Variants in ARID5B observed in about 807,000 individuals in gnomAD.
ARID5B encodes AT-rich interaction domain 5B.
ARID5B carries 13 observed loss-of-function variants against 97.2 expected under a neutral mutation model. The observed-to-expected ratio is 0.13, with a 90% CI of 0.09 to 0.21. The LOEUF is 0.21. Among genes scored for constraint, ARID5B ranks in the 10% least tolerant of loss-of-function variants. The pLI, the probability that ARID5B is intolerant of heterozygous loss-of-function variation, is 1.00. For synonymous variants in ARID5B, 556 were observed against 570.3 expected (o/e 0.97, Z 0.36); for missense variants, 1,210 against 1,465.3 (o/e 0.83, Z 2.84).
In ARID5B at chr10:62,092,922, A is replaced by C; in HGVS notation, c.3459A>C (p.Ser1153=). 7.4e-6 allele frequency: 12 copies of C among 1,614,202 alleles called. No individual in the cohort carries two copies. Among genetic ancestry groups the C allele is most frequent in the South Asian group, 1.1e-5 (1 of 91,076 alleles). Residue 1153 remains serine (S), a synonymous_variant, in exon 10 of 10, where the codon TCA becomes TCC. Coordinates refer to ENST00000279873, the MANE Select transcript of ARID5B (RefSeq NM_032199.3). The part of the protein sequence containing the change: ...HLAAATPVGS[S]YGDLLHNSIY... ...CTGCGGCTACACCTGTAGGAAGTTCATATGGGGACCTTTTGCATAACAGCA... is the reference window on the plus strand; with the variant it reads ...CTGCGGCTACACCTGTAGGAAGTTCCTATGGGGACCTTTTGCATAACAGCA...
rs1443547866 is a variant in ARID5B, at chr10:62,090,848, A to T, written c.1399-14A>T. 3 of 1,545,236 alleles carry T rather than the reference A, an allele frequency of 1.9e-6. No individual in the cohort carries two copies. Among genetic ancestry groups the T allele is most frequent in the Non-Finnish European group, 2.6e-6 (3 of 1,152,374 alleles). On this transcript the variant is annotated splice_polypyrimidine_tract_variant and intron_variant, in intron 9 of 9. Transcript: ENST00000279873. ...TTGGTTTTCTTCTGACTGTCTTTTGAAATATGTTACCAGGTTTCATCAGAG... is the reference window on the plus strand; with the variant it reads ...TTGGTTTTCTTCTGACTGTCTTTTGTAATATGTTACCAGGTTTCATCAGAG...
chr10:61,969,363 C>T (rs577782728), intron 3 of ARID5B, among the ~76,000 whole-genome samples: 2 of 152,168 alleles, frequency 1.3e-5, no homozygotes, highest in South Asian at 2.1e-4. Flanking sequence ...GGATAGTAGC[C>T]TTCTGCATAT....
At chr10:62,045,281 A>G (rs1159876084) in intron 4 of ARID5B, among the ~76,000 whole-genome samples, 1 of 152,192 alleles carries the variant, frequency 6.6e-6, no homozygotes, top group Non-Finnish European at 1.5e-5. Context: ...TCATACGTTA[A>G]TAACTTTAAA....
Position 62,092,424 on chromosome 10 carries a change from G to A in ARID5B, c.2961G>A (p.Arg987=). 6.2e-7 allele frequency: 1 copy of A among 1,614,232 alleles called. No individual in the cohort carries two copies. The highest frequency in any genetic ancestry group is 8.5e-7 in the Non-Finnish European group (1 of 1,180,040). The stretch of plus-strand genomic sequence containing the variant: ...ACCATGTGAGACTGGAGAATTTCAG[G>A]AAGATGGAAGGCATGGTCCACCCAA... ...KPHHVRLENF[R]KMEGMVHPIL... The change falls in exon 10 of 10, where the codon AGG becomes AGA. Residue 987 remains arginine (R), a synonymous_variant. Transcript: ENST00000279873.
intron 4 of ARID5B, among the ~76,000 whole-genome samples, chr10:62,029,910 G>A (rs12266663): frequency 0.074 from 11,312 of 152,192 alleles, 664 homozygotes; most frequent in Admixed American, 0.19. Context: ...TACACAGAGC[G>A]TTTGGCTTTA....
chr10:62,087,031 T>C (rs1270763133), intron 9 of ARID5B, among the ~76,000 whole-genome samples: 1 of 151,926 alleles, frequency 6.6e-6, no homozygotes, highest in East Asian at 1.9e-4. Flanking sequence ...CCGGGCGCGG[T>C]GGCTCACGCC....
chr10:62,084,495 T>C (rs1372928140), intron 8 of ARID5B, among the ~76,000 whole-genome samples: 1 of 152,248 alleles, frequency 6.6e-6, no homozygotes, highest in Non-Finnish European at 1.5e-5. Flanking sequence ...ATAAGCCAAG[T>C]ACATTTTCTT....
intron 4 of ARID5B, among the ~76,000 whole-genome samples, chr10:62,022,406 A>C (rs966147155): frequency 6.6e-6 from 1 of 152,234 alleles, no homozygotes; most frequent in South Asian, 2.1e-4. Context: ...TGACCTGTGC[A>C]CTGGGAGGAT....
intron 8 of ARID5B, among the ~76,000 whole-genome samples, chr10:62,076,104 G>A (rs1033444231): frequency 3.9e-5 from 6 of 152,180 alleles, no homozygotes; most frequent in African/African-American, 1.4e-4. Context: ...GTGAGCCCGG[G>A]TTCAGCCTCA....
intron 7 of ARID5B, among the ~76,000 whole-genome samples, chr10:62,063,576 A>G (rs1839949690): frequency 6.6e-6 from 1 of 151,936 alleles, no homozygotes; most frequent in African/African-American, 2.4e-5. Flanking sequence ...TAATGGCTAT[A>G]TGCAGTTCTC....
chr10:61,988,404 G>GGGC (rs1589247850), intron 3 of ARID5B, among the ~76,000 whole-genome samples: 1 of 152,180 alleles, frequency 6.6e-6, no homozygotes, highest in African/African-American at 2.4e-5. Flanking sequence ...CCAGAGGAGA[G>GGGC]GGCTCTCACC....
chr10:62,092,817 C>T lies in ARID5B; in HGVS notation c.3354C>T (p.Pro1118=). The T allele has an allele frequency of 6.2e-7, 1 of 1,614,228 alleles. No individual in the cohort carries two copies. The highest frequency in any genetic ancestry group is 8.5e-7 in the Non-Finnish European group (1 of 1,180,032). Residue 1118 remains proline, a synonymous_variant, in exon 10 of 10, where the codon CCC becomes CCT. Coordinates refer to ENST00000279873, the MANE Select transcript of ARID5B (RefSeq NM_032199.3). ...CTGTGCTTTCTCCACTCATGCAGCC[C>T]CTGGCTTTCCACTCGCTTGTGATGC... is the stretch of plus-strand genomic sequence containing the variant. ...NQTVLSPLMQ[P]LAFHSLVMQR... is the part of the protein sequence containing the mutation.
chr10:61,940,121 T>C, intron 2 of ARID5B, 62 bp from the exon 3 acceptor site: 24 of 1,493,320 alleles, frequency 1.6e-5, no homozygotes, highest in Non-Finnish European at 2.2e-5. Context: ...TTGTGGAGAG[T>C]GGATCATTTC....
chr10:62,085,530 C>A (rs538191109), intron 8 of ARID5B, among the ~76,000 whole-genome samples, 172 bp from the exon 9 acceptor site: 13 of 152,232 alleles, frequency 8.5e-5, no homozygotes, highest in African/African-American at 3.1e-4. Flanking sequence ...TGATTTTGAC[C>A]AAGGAAGCAG....
At chr10:62,033,900 G>A (rs1000103627) in intron 4 of ARID5B, among the ~76,000 whole-genome samples, 1 of 152,198 alleles carries the variant, frequency 6.6e-6, no homozygotes, top group African/African-American at 2.4e-5. Context: ...TATGTATAAA[G>A]TGAATACAGA....
chr10:61,953,382 T>C (rs1838349330), intron 3 of ARID5B, among the ~76,000 whole-genome samples: 1 of 152,146 alleles, frequency 6.6e-6, no homozygotes, highest in Admixed American at 6.5e-5. Context: ...TAATTAACTA[T>C]CACGTGATGG....
chr10:62,096,826 A>G lies in ARID5B; in HGVS notation c.*3796A>G, dbSNP rs557088812. ...TTTGTATGTTTTCCAAATTGTACTT[A>G]TTACTGCTTTTGATACTGTATTACG... On this transcript the variant is annotated 3_prime_UTR_variant, in exon 10 of 10. Transcript: ENST00000279873. 8.6e-6 allele frequency: 2 copies of G among 233,588 alleles called. No homozygotes were observed. The highest frequency in any genetic ancestry group is 6.0e-5 in the East Asian group (1 of 16,546). The allele number at this position is 233,588 out of a possible 1,614,324, so 14.5% of individuals were successfully genotyped here.
In ARID5B at chr10:62,087,298, C is replaced by CAAAA. The variant is rs71299289; in HGVS notation, c.1398+1415_1398+1418dup. On this transcript the variant is annotated intron_variant, in intron 9 of 9. Coordinates refer to ENST00000279873, the MANE Select transcript of ARID5B (RefSeq NM_032199.3). ...TGGGTGACAGAGAGAGACTCTATCT[C>CAAAA]AAAAAAAAAAAAAAAAAAAAGGAAA... Among the ~76,000 whole-genome samples, 60 of 40,930 alleles carry CAAAA rather than the reference C, an allele frequency of 1.5e-3. 14 individuals carry two copies. The highest frequency in any genetic ancestry group is 2.4e-3 in the African/African-American group (23 of 9,478). The allele number at this position is 40,930 out of a possible 152,430, so 26.9% of individuals were successfully genotyped here. A position where few individuals can be genotyped will look rare whatever the true frequency, so the allele number is the denominator to read the frequency against.
intron 3 of ARID5B, among the ~76,000 whole-genome samples, chr10:61,971,816 T>G (rs1838631833): frequency 6.6e-6 from 1 of 152,202 alleles, no homozygotes. Context: ...GTGCAGCTAT[T>G]TTATCATTAT....
Sources: allele counts gnomAD v4.1 joint callset (sites outside exome capture counted in the v4.1 genomes callset), GRCh38; gene constraint gnomAD v4.1.1; transcripts MANE v1.5; gene names NCBI Gene and HGNC (gene_info 2026-07-23, HGNC 2026-07-21).